The following MAP2 variants were observed in gnomAD, a reference collection of about 807,000 sequenced individuals.
The protein encoded by MAP2 is microtubule-associated protein 2.
Under a neutral mutation model 137.6 loss-of-function variants are expected in MAP2, and 14 were observed. The ratio of observed to expected loss-of-function variants is 0.10; its 90% CI spans 0.07 to 0.16. The LOEUF (loss-of-function observed/expected upper bound fraction) is 0.16, where lower values mean the gene tolerates loss of function less well. Among genes scored for constraint, MAP2 ranks in the 10% least tolerant of loss-of-function variants. The pLI is 1.00. For synonymous variants in MAP2, 786 were observed against 782.3 expected (o/e 1.00, Z -0.08); for missense variants, 2,088 against 2,191.5 (o/e 0.95, Z 0.94).
At chr2:209,669,008 T>C (rs555910026) in intron 5 of MAP2, among the ~76,000 whole-genome samples, 1 of 152,204 alleles carries the variant, frequency 6.6e-6, no homozygotes, top group African/African-American at 2.4e-5. Flanking sequence ...CTATTTAACA[T>C]TGACTTTTAA....
chr2:209,454,120 A>C lies in MAP2; in HGVS notation c.-222+29844A>C. On this transcript the variant is annotated intron_variant, in intron 1 of 15. Coordinates refer to ENST00000682079, the MANE Select transcript of MAP2 (RefSeq NM_001375505.1). ...GAGCCTAGATCGCGCTCTGCACTCCATCCCGGGCAACAGAGCGAGACTCTG... is the reference window on the plus strand; with the variant it reads ...GAGCCTAGATCGCGCTCTGCACTCCCTCCCGGGCAACAGAGCGAGACTCTG... Among the ~76,000 whole-genome samples, 3 of 130,376 alleles carry C rather than the reference A, an allele frequency of 2.3e-5. No homozygotes were observed. In the Admixed American group the frequency reaches 2.9e-4, roughly 13 times the overall value. The allele number at this position is 130,376 out of a possible 152,430, so 85.5% of individuals were successfully genotyped here. A position where few individuals can be genotyped will look rare whatever the true frequency, so the allele number is the denominator to read the frequency against.
At chr2:209,528,009 G>A (rs2064344813) in intron 2 of MAP2, among the ~76,000 whole-genome samples, 1 of 152,092 alleles carries the variant, frequency 6.6e-6, no homozygotes, top group Non-Finnish European at 1.5e-5. Context: ...CTAAATTAAT[G>A]CAGGGGCTTA....
At position 209,483,571 on chromosome 2, in the gene MAP2, C is replaced by T. The variant is rs184884797; in HGVS notation, c.-221-24021C>T. Among the ~76,000 whole-genome samples the T allele has an allele frequency of 4.1e-3, 618 of 152,250 alleles. 3 individuals are homozygous for T. The highest frequency in any genetic ancestry group is 0.014 in the African/African-American group (579 of 41,536). On this transcript the variant is annotated intron_variant, in intron 1 of 15. Transcript: ENST00000682079. ...CCTGGCTGATAGAGCGAGACTCCAT[C>T]TCTTAAAAATTTTTAATTTAATTTT...
At chr2:209,429,974 T>A (rs1383904540) in intron 1 of MAP2, among the ~76,000 whole-genome samples, 1 of 152,022 alleles carries the variant, frequency 6.6e-6, no homozygotes. Context: ...TATTTGGGTA[T>A]TGTACCTCTC....
At chr2:209,589,653 G>A (rs1166233897) in intron 3 of MAP2, among the ~76,000 whole-genome samples, 1 of 152,066 alleles carries the variant, frequency 6.6e-6, no homozygotes, top group East Asian at 1.9e-4. Context: ...ATGAGAAGCA[G>A]ATAAAGCTAA....
At chr2:209,543,502 G>A (rs941407746) in intron 2 of MAP2, among the ~76,000 whole-genome samples, 1 of 152,166 alleles carries the variant, frequency 6.6e-6, no homozygotes, top group Non-Finnish European at 1.5e-5. Flanking sequence ...TGTATGAAGT[G>A]CAGTAAAGCA....
chr2:209,639,140 G>C (rs1303487533), intron 4 of MAP2, among the ~76,000 whole-genome samples: 1 of 152,028 alleles, frequency 6.6e-6, no homozygotes, highest in Non-Finnish European at 1.5e-5. Flanking sequence ...AAAGTGCTGA[G>C]ATTACAGGCA....
chr2:209,488,187 G>A (rs1415932207), intron 1 of MAP2, among the ~76,000 whole-genome samples: 3 of 152,164 alleles, frequency 2.0e-5, no homozygotes, highest in Non-Finnish European at 1.5e-5. Context: ...AGGGGTCAGG[G>A]AACTCCTTCC....
At chr2:209,467,347 C>T (rs1454290442) in intron 1 of MAP2, among the ~76,000 whole-genome samples, 1 of 152,104 alleles carries the variant, frequency 6.6e-6, no homozygotes, top group East Asian at 1.9e-4. Flanking sequence ...TCCTATCACT[C>T]TCCTGATTAA....
chr2:209,434,877 T>C (rs1436117364), intron 1 of MAP2, among the ~76,000 whole-genome samples: 1 of 48,510 alleles, frequency 2.1e-5, no homozygotes, highest in African/African-American at 7.2e-5. Flanking sequence ...ATATATGTTA[T>C]ATATATGTTA....
At chr2:209,649,941 A>G (rs1209375769) in intron 4 of MAP2, among the ~76,000 whole-genome samples, 1 of 152,240 alleles carries the variant, frequency 6.6e-6, no homozygotes, top group South Asian at 2.1e-4. Context: ...TAAAGCATTA[A>G]ATACTAAGGA....
intron 1 of MAP2, among the ~76,000 whole-genome samples, chr2:209,426,422 A>G (rs1314959426): frequency 2.0e-5 from 3 of 151,954 alleles, no homozygotes; most frequent in African/African-American, 7.3e-5. Context: ...TTAGTCTTCT[A>G]TACTGCCATA....
intron 2 of MAP2, among the ~76,000 whole-genome samples, chr2:209,546,641 T>A (rs920514591): frequency 6.6e-6 from 1 of 152,186 alleles, no homozygotes; most frequent in Non-Finnish European, 1.5e-5. Flanking sequence ...CAGGCACAGA[T>A]CCTGGGACTT....
In MAP2 at chr2:209,659,028, A is replaced by G. The variant is rs1296666477; in HGVS notation, c.262+5596A>G. On this transcript the variant is annotated intron_variant, in intron 5 of 15. Coordinates refer to ENST00000682079, the MANE Select transcript of MAP2 (RefSeq NM_001375505.1). ...TAGTGTCTTCTTTTTACAAATAAGA[A>G]GACTAAGGCACAGAATGGCTGAGCA... is the stretch of plus-strand genomic sequence containing the variant. Among the ~76,000 whole-genome samples the G allele has an allele frequency of 2.6e-5, 4 of 152,192 alleles. No homozygotes were observed. In the East Asian group the frequency reaches 7.7e-4, roughly 29 times the overall value.
chr2:209,552,503 C>G (rs2069415233), intron 2 of MAP2, among the ~76,000 whole-genome samples: 1 of 152,116 alleles, frequency 6.6e-6, no homozygotes, highest in Admixed American at 6.6e-5. Context: ...GTGTTACTAC[C>G]ATCATCTCCC....
intron 1 of MAP2, among the ~76,000 whole-genome samples, chr2:209,450,069 G>A (rs533405096): frequency 1.3e-5 from 2 of 152,222 alleles, no homozygotes; most frequent in African/African-American, 4.8e-5. Context: ...AGTCTCCCGA[G>A]TAGCTGGGAC....
chr2:209,518,965 TG>T (rs1264711954), intron 2 of MAP2, among the ~76,000 whole-genome samples: 1 of 152,050 alleles, frequency 6.6e-6, no homozygotes, highest in Non-Finnish European at 1.5e-5. Context: ...AAATTTCAGA[TG>T]GGAAATTTGG....
At chr2:209,516,374 A>G (rs2062503822) in intron 2 of MAP2, among the ~76,000 whole-genome samples, 1 of 152,110 alleles carries the variant, frequency 6.6e-6, no homozygotes, top group Admixed American at 6.6e-5. Flanking sequence ...GCCTTCTATT[A>G]GTGTTCTGTC....
At chr2:209,671,504 G>C (rs964921023) in intron 5 of MAP2, among the ~76,000 whole-genome samples, 1 of 151,610 alleles carries the variant, frequency 6.6e-6, no homozygotes, top group East Asian at 1.9e-4. Flanking sequence ...AATTAGCATC[G>C]GTTTCCTAGG....
Sources: gnomAD v4.1 joint callset for allele counts (sites outside exome capture counted in the v4.1 genomes callset) on GRCh38, gnomAD v4.1.1 for gene constraint, MANE v1.5 for transcripts, NCBI Gene and HGNC (gene_info 2026-07-23, HGNC 2026-07-21) for gene names.